Variants in ABCD3 observed in about 807,000 individuals in gnomAD.
ABCD3 encodes the protein ATP-binding cassette sub-family D member 3.
In ABCD3, 41 loss-of-function variants were observed where a neutral mutation model predicts 105.5. The ratio of observed to expected loss-of-function variants is 0.39; its 90% CI spans 0.30 to 0.50. The LOEUF is 0.50. ABCD3 is among the 20% of genes least tolerant of loss of function. The probability of loss-of-function intolerance (pLI) is 0.84; values close to 1 mark genes in which losing one functional copy is unlikely to be tolerated. For synonymous variants in ABCD3, 258 were observed against 269.0 expected (o/e 0.96, Z 0.40); for missense variants, 622 against 806.3 (o/e 0.77, Z 2.77).
In ABCD3 at chr1:94,487,993, GTAA is replaced by G. The variant is rs1403229372; in HGVS notation, c.1157+15_1157+17del. 2 of 1,591,622 alleles carry G rather than the reference GTAA, an allele frequency of 1.3e-6. No individual in the cohort carries two copies. The highest frequency in any genetic ancestry group is 2.7e-5 in the African/African-American group (2 of 74,448). On this transcript the variant is annotated intron_variant, in intron 13 of 22. Coordinates refer to ENST00000370214, the MANE Select transcript of ABCD3 (RefSeq NM_002858.4). ...TGACTAGATTGGCCGGGTAAGATTA[GTAA>G]TAATGAGCTGTTGCAGAAAATAATT...
chr1:94,501,629 A>C (rs1650104191), intron 20 of ABCD3, among the ~76,000 whole-genome samples: 1 of 152,202 alleles, frequency 6.6e-6, no homozygotes, highest in Admixed American at 6.5e-5. Flanking sequence ...ACAGTGAGTC[A>C]GCCAGGGTTG....
upstream of ABCD3, among the ~76,000 whole-genome samples, chr1:94,418,055 G>T (rs937913981): frequency 6.6e-6 from 1 of 152,194 alleles, no homozygotes; most frequent in African/African-American, 2.4e-5. Context: ...GGAGAGGCAG[G>T]GCCCACTAGG....
chr1:94,441,338 T>C (rs1660127444), intron 1 of ABCD3, among the ~76,000 whole-genome samples: 1 of 152,208 alleles, frequency 6.6e-6, no homozygotes, highest in Non-Finnish European at 1.5e-5. Context: ...TGGCAAAAAC[T>C]TAAAAATGCA....
the ABCD3 span, among the ~76,000 whole-genome samples, chr1:94,413,187 A>G: frequency 7.4e-4 from 112 of 152,232 alleles, no homozygotes; most frequent in South Asian, 1.4e-3. Context: ...CTTTTCTTCT[A>G]ATATTTTTAT....
At chr1:94,480,809 A>G (rs1300411897) in intron 9 of ABCD3, among the ~76,000 whole-genome samples, 3 of 152,212 alleles carry the variant, frequency 2.0e-5, no homozygotes, top group Non-Finnish European at 4.4e-5. Flanking sequence ...ACCATGTAGT[A>G]TTCCTGATTC....
At position 94,517,430 on chromosome 1, in the gene ABCD3, T is replaced by C. The variant is rs1411003261; in HGVS notation, c.*301T>C. 1 of 345,360 alleles carries C rather than the reference T, an allele frequency of 2.9e-6. No homozygotes were observed. The highest frequency in any genetic ancestry group is 5.5e-6 in the Non-Finnish European group (1 of 180,946). 21.4% of individuals were successfully genotyped at this position (345,360 alleles called of 1,614,324 possible). A position where few individuals can be genotyped will look rare whatever the true frequency, so the allele number is the denominator to read the frequency against. ...TCAATCACTGTAACCTGATTCATCC[T>C]GGGATGTAAACCATTCGAAGTCAGC... On this transcript the variant is annotated 3_prime_UTR_variant, in exon 23 of 23. Coordinates refer to ENST00000370214, the MANE Select transcript of ABCD3 (RefSeq NM_002858.4).
Position 94,499,499 on chromosome 1 carries a change from T to G in ABCD3, c.1625T>G (p.Leu542Arg). The part of the protein sequence containing the change: ...QKRKGISDLV[L>R]KEYLDNVQLG... ...CTTTAATCATTTTGCTGAAAGGTAC[T>G]GAAGGAATACTTAGACAATGTCCAG... The change falls in exon 20 of 23, where the codon CTG becomes CGG. Residue 542 changes from leucine to arginine, a missense_variant. Physicochemically the swap from Leu to Arg is moderately radical, Grantham distance 102. Transcript: ENST00000370214. 6.2e-7 allele frequency: 1 copy of G among 1,613,422 alleles called. No individual in the cohort carries two copies. Among genetic ancestry groups the G allele is most frequent in the Non-Finnish European group, 8.5e-7 (1 of 1,179,502 alleles).
At chr1:94,418,648 C>G in intron 1 of ABCD3, 60 bp downstream of exon 1, 2 of 1,512,898 alleles carry the variant, frequency 1.3e-6, no homozygotes, top group Non-Finnish European at 8.9e-7. Flanking sequence ...CCCGCGCGCT[C>G]TCTCTCCCCA....
intron 21 of ABCD3, among the ~76,000 whole-genome samples, chr1:94,510,219 CT>C (rs1427907233): frequency 1.3e-5 from 2 of 152,026 alleles, no homozygotes; most frequent in Admixed American, 6.6e-5. Flanking sequence ...CAAAGAACAT[CT>C]TTATTTCTGC....
chr1:94,480,688 A>G, intron 9 of ABCD3, 82 bp downstream of exon 9: 2 of 1,427,778 alleles, frequency 1.4e-6, no homozygotes, highest in Non-Finnish European at 9.8e-7. Flanking sequence ...CAAAAAGTCT[A>G]GTGACACTGT....
At chr1:94,408,506 A>G in the ABCD3 span, among the ~76,000 whole-genome samples, 1 of 152,008 alleles carries the variant, frequency 6.6e-6, no homozygotes, top group East Asian at 1.9e-4. Flanking sequence ...AGGCAGGAGA[A>G]TTGCTTCAAC....
intron 13 of ABCD3, among the ~76,000 whole-genome samples, chr1:94,489,010 A>G (rs2101022786): frequency 1.3e-5 from 2 of 152,216 alleles, no homozygotes; most frequent in Middle Eastern, 3.4e-3. Flanking sequence ...ACACGTGTGA[A>G]ACCATCAAGA....
chr1:94,437,841 T>G (rs1251564950), intron 1 of ABCD3, among the ~76,000 whole-genome samples: 1 of 152,206 alleles, frequency 6.6e-6, no homozygotes, highest in Admixed American at 6.5e-5. Context: ...ATATCCACAT[T>G]AATGGGATTT....
At chr1:94,463,573 G>C (rs1000891194) in intron 2 of ABCD3, among the ~76,000 whole-genome samples, 8 of 152,192 alleles carry the variant, frequency 5.3e-5, no homozygotes, top group African/African-American at 1.9e-4. Context: ...TGTGATAATG[G>C]AGTTGGGGAA....
At chr1:94,506,278 C>T (rs1171829668) in intron 20 of ABCD3, among the ~76,000 whole-genome samples, 1 of 152,268 alleles carries the variant, frequency 6.6e-6, no homozygotes, top group Non-Finnish European at 1.5e-5. Context: ...AACTTCCTCT[C>T]TCATCAGTCT....
chr1:94,402,604 T>A, the ABCD3 span, among the ~76,000 whole-genome samples: 73 of 152,290 alleles, frequency 4.8e-4, no homozygotes, highest in African/African-American at 1.7e-3. Context: ...GTATTCCAGT[T>A]TTGTTGGTTA....
At chr1:94,399,660 G>C in the ABCD3 span, among the ~76,000 whole-genome samples, 1 of 152,194 alleles carries the variant, frequency 6.6e-6, no homozygotes, top group African/African-American at 2.4e-5. Flanking sequence ...CATGTGCTCA[G>C]ATCAATCTGC....
chr1:94,499,125 C>A, intron 19 of ABCD3, 91 bp downstream of exon 19: 1 of 1,208,156 alleles, frequency 8.3e-7, no homozygotes, highest in East Asian at 2.4e-5. Flanking sequence ...GGTAGTTTAT[C>A]TTAAGCTGTA....
At chr1:94,409,465 T>C in the ABCD3 span, among the ~76,000 whole-genome samples, 5 of 152,244 alleles carry the variant, frequency 3.3e-5, 1 homozygote. Context: ...ATACATTTTA[T>C]AACATAGGCA....
Sources: allele counts gnomAD v4.1 joint callset (sites outside exome capture counted in the v4.1 genomes callset), GRCh38; gene constraint gnomAD v4.1.1; transcripts MANE v1.5; gene names NCBI Gene and HGNC (gene_info 2026-07-23, HGNC 2026-07-21).